HCN1: variants seen among roughly 807,000 people sequenced by gnomAD.
HCN1 encodes hyperpolarization activated cyclic nucleotide gated potassium channel 1.
A neutral mutation model predicts 78.9 loss-of-function variants in HCN1; 13 were observed. The observed-to-expected ratio is 0.16, with a 90% CI of 0.11 to 0.26. HCN1 has a LOEUF of 0.26. Among genes scored for constraint, HCN1 ranks in the 10% least tolerant of loss-of-function variants. HCN1 has a pLI of 1.00. For missense variants in HCN1, 810 were observed against 1,154.3 expected (o/e 0.70, Z 4.32); for synonymous variants, 552 against 455.5 (o/e 1.21, Z -2.70).
intron 5 of HCN1, among the ~76,000 whole-genome samples, chr5:45,350,972 T>C (rs1746886824): frequency 6.6e-6 from 1 of 152,092 alleles, no homozygotes; most frequent in African/African-American, 2.4e-5. Flanking sequence ...ATAGATTCAA[T>C]GCCATCCCCA....
chr5:45,494,606 T>G (rs1298304077), intron 2 of HCN1, among the ~76,000 whole-genome samples: 1 of 151,986 alleles, frequency 6.6e-6, no homozygotes, highest in African/African-American at 2.4e-5. Context: ...TGAGTTTAAT[T>G]AGATCCCATT....
intron 2 of HCN1, among the ~76,000 whole-genome samples, chr5:45,510,303 G>A (rs958160051): frequency 6.6e-6 from 1 of 152,006 alleles, no homozygotes; most frequent in Non-Finnish European, 1.5e-5. Context: ...AAGAAGTGAA[G>A]AACATTTTTT....
intron 2 of HCN1, among the ~76,000 whole-genome samples, chr5:45,637,642 C>T (rs148434653): frequency 3.7e-4 from 55 of 150,498 alleles, no homozygotes; most frequent in African/African-American, 8.5e-4. Context: ...AGAAGCAATG[C>T]GTAAATAAAA....
chr5:45,262,596 C>T lies in HCN1; in HGVS notation c.1998G>A (p.Pro666=), dbSNP rs758849997. 9 of 1,613,802 alleles carry T rather than the reference C, an allele frequency of 5.6e-6. No homozygotes were observed. The highest frequency in any genetic ancestry group is 1.7e-5 in the Admixed American group (1 of 59,996). ...GAGACAGGCTGGTCGCTGTGTACAC[C>T]GGTGGAGATTGTGTCCTCATGCGGG... is the stretch of plus-strand genomic sequence containing the variant. The part of the protein sequence containing the change: ...PTSRMRTQSP[P]VYTATSLSHS... Residue 666 remains proline, a synonymous_variant, in exon 8 of 8, where the codon CCG becomes CCA. Transcript: ENST00000303230.
chr5:45,468,614 T>C (rs1161059155), intron 2 of HCN1, among the ~76,000 whole-genome samples: 1 of 152,076 alleles, frequency 6.6e-6, no homozygotes, highest in African/African-American at 2.4e-5. Flanking sequence ...TTTAATTTCA[T>C]CTATCTAAAA....
chr5:45,609,681 C>A (rs963398498), intron 2 of HCN1, among the ~76,000 whole-genome samples: 2 of 152,052 alleles, frequency 1.3e-5, no homozygotes, highest in Non-Finnish European at 2.9e-5. Context: ...ACTATATATT[C>A]ACGCCAAGAA....
In HCN1 at chr5:45,545,945, G is replaced by T. The variant is rs987118680; in HGVS notation, c.850-83938C>A. 2.0e-5 allele frequency among the ~76,000 whole-genome samples: 3 copies of T among 151,878 alleles called. No homozygotes were observed. The East Asian group carries it at 5.8e-4, about 29-fold the overall frequency. Reference sequence around the variant, plus strand: ...AGAATAAATATGTATATACTTTAATGCTCCGTGTAATCTTCATTTAAGCAT... The same window carrying T: ...AGAATAAATATGTATATACTTTAATTCTCCGTGTAATCTTCATTTAAGCAT... On this transcript the variant is annotated intron_variant, in intron 2 of 7. Coordinates refer to ENST00000303230, the MANE Select transcript of HCN1 (RefSeq NM_021072.4).
At chr5:45,493,100 C>T (rs1004966667) in intron 2 of HCN1, among the ~76,000 whole-genome samples, 1 of 151,970 alleles carries the variant, frequency 6.6e-6, no homozygotes, top group Non-Finnish European at 1.5e-5. Context: ...TTTTACTAGG[C>T]ACACCTTATA....
At chr5:45,560,046 G>T (rs1302276897) in intron 2 of HCN1, 1 of 152,048 alleles carries the variant, frequency 6.6e-6, no homozygotes, top group Non-Finnish European at 1.5e-5. Context: ...TTTAATTAGG[G>T]TAATTACATT....
At chr5:45,652,203 TA>T (rs1745688373) in intron 1 of HCN1, among the ~76,000 whole-genome samples, 1 of 152,008 alleles carries the variant, frequency 6.6e-6, no homozygotes, top group Non-Finnish European at 1.5e-5. Context: ...CCTGAAACTG[TA>T]TTTTTTTATT....
chr5:45,524,878 G>A (rs2111788845), intron 2 of HCN1, among the ~76,000 whole-genome samples: 1 of 152,270 alleles, frequency 6.6e-6, no homozygotes, highest in Admixed American at 6.5e-5. Flanking sequence ...GCCCTGGCCA[G>A]AACTTCCAAC....
Position 45,690,614 on chromosome 5 carries a change from C to T in HCN1, c.425+5055G>A, listed in dbSNP as rs112232668. Among the ~76,000 whole-genome samples, 22 of 152,064 alleles carry T rather than the reference C, an allele frequency of 1.4e-4. 1 individual carries two copies. The highest frequency in any genetic ancestry group is 4.8e-4 in the African/African-American group (20 of 41,524). On this transcript the variant is annotated intron_variant, in intron 1 of 7. Coordinates refer to ENST00000303230, the MANE Select transcript of HCN1 (RefSeq NM_021072.4). ...GTAAAACTAATGGTAAGTTGTACAT[C>T]CAGATGCCTTCACAAAGAAAATTAT...
At chr5:45,350,740 C>A (rs1449365803) in intron 5 of HCN1, among the ~76,000 whole-genome samples, 3 of 151,352 alleles carry the variant, frequency 2.0e-5, no homozygotes, top group African/African-American at 4.9e-5. Flanking sequence ...AACAGACAAA[C>A]AGAGAGCCAA....
At chr5:45,497,857 C>G (rs1742080579) in intron 2 of HCN1, among the ~76,000 whole-genome samples, 1 of 152,020 alleles carries the variant, frequency 6.6e-6, no homozygotes, top group African/African-American at 2.4e-5. Flanking sequence ...CTTAGTGTGG[C>G]TGGATATGAA....
intron 5 of HCN1, among the ~76,000 whole-genome samples, chr5:45,330,170 T>G (rs1326585469): frequency 1.3e-5 from 2 of 151,364 alleles, no homozygotes; most frequent in Non-Finnish European, 3.0e-5. Context: ...CTCCAGACTT[T>G]GTATTTGATT....
At chr5:45,643,745 G>C (rs1311752789) in intron 2 of HCN1, 1 of 152,052 alleles carries the variant, frequency 6.6e-6, no homozygotes, top group Non-Finnish European at 1.5e-5. Flanking sequence ...AAGATTCAGT[G>C]AGCTAATATA....
At chr5:45,296,619 T>A (rs1383400914) in intron 6 of HCN1, among the ~76,000 whole-genome samples, 1 of 151,728 alleles carries the variant, frequency 6.6e-6, no homozygotes, top group Non-Finnish European at 1.5e-5. Flanking sequence ...ACCATAAAAA[T>A]TATGATAGAA....
chr5:45,528,274 T>C (rs536804913), intron 2 of HCN1, among the ~76,000 whole-genome samples: 3 of 152,146 alleles, frequency 2.0e-5, no homozygotes, highest in South Asian at 4.1e-4. Context: ...AGGTTCTCTG[T>C]TCTGAGATTC....
intron 3 of HCN1, among the ~76,000 whole-genome samples, chr5:45,461,377 T>C (rs1579909883): frequency 6.6e-6 from 1 of 152,138 alleles, no homozygotes; most frequent in Non-Finnish European, 1.5e-5. Flanking sequence ...AAAAGTAGTA[T>C]CTGAAACTTC....
Sources: gnomAD v4.1 joint callset for allele counts (sites outside exome capture counted in the v4.1 genomes callset) on GRCh38, gnomAD v4.1.1 for gene constraint, MANE v1.5 for transcripts, NCBI Gene and HGNC (gene_info 2026-07-23, HGNC 2026-07-21) for gene names.